CNTNAP2: variants seen among roughly 807,000 people sequenced by gnomAD.
The protein encoded by CNTNAP2 is contactin-associated protein-like 2.
Under a neutral mutation model 155.2 loss-of-function variants are expected in CNTNAP2, and 98 were observed. That is an observed-to-expected ratio of 0.63 (90% CI 0.54 to 0.75). The LOEUF is 0.75. CNTNAP2 is among the 30% of genes least tolerant of loss of function. The probability of loss-of-function intolerance (pLI) is 0.00; values close to 1 mark genes in which losing one functional copy is unlikely to be tolerated. For synonymous variants in CNTNAP2, 651 were observed against 631.2 expected (o/e 1.03, Z -0.47); for missense variants, 1,727 against 1,688.1 (o/e 1.02, Z -0.40).
At chr7:146,855,326 A>G (rs1384755575) in intron 3 of CNTNAP2, among the ~76,000 whole-genome samples, 1 of 152,166 alleles carries the variant, frequency 6.6e-6, no homozygotes, top group Non-Finnish European at 1.5e-5. Context: ...CTATCTCAAT[A>G]CTAGGAATTT....
intron 4 of CNTNAP2, among the ~76,000 whole-genome samples, chr7:147,094,546 C>T (rs190556650): frequency 3.8e-4 from 57 of 151,560 alleles, no homozygotes; most frequent in Non-Finnish European, 1.8e-4. Context: ...GGACTACAGG[C>T]GTCCGCCACC....
chr7:148,268,972 C>G (rs1796725299), intron 21 of CNTNAP2, among the ~76,000 whole-genome samples: 1 of 151,974 alleles, frequency 6.6e-6, no homozygotes, highest in South Asian at 2.1e-4. Flanking sequence ...AAAGATTGGG[C>G]AGGTGATAAA....
intron 13 of CNTNAP2, among the ~76,000 whole-genome samples, chr7:147,823,866 T>C (rs1798402207): frequency 6.6e-6 from 1 of 152,152 alleles, no homozygotes; most frequent in Non-Finnish European, 1.5e-5. Flanking sequence ...ATTTTGGTAT[T>C]AATTTGTAAA....
chr7:146,848,501 T>G (rs1239248760), intron 3 of CNTNAP2, among the ~76,000 whole-genome samples: 1 of 152,172 alleles, frequency 6.6e-6, no homozygotes, highest in Non-Finnish European at 1.5e-5. Flanking sequence ...AAGTATATTG[T>G]ATGACTGTTC....
At position 147,242,797 on chromosome 7, in the gene CNTNAP2, C is replaced by A. The variant is rs181047530; in HGVS notation, c.1349-57344C>A. On this transcript the variant is annotated intron_variant, in intron 8 of 23. Transcript: ENST00000361727. ...ATCCCAAAAGTTTGGTCCACTCTAC[C>A]TTCCTCCTAAGTAAAAAGTTAACAA... Among the ~76,000 whole-genome samples the A allele has an allele frequency of 2.0e-5, 3 of 152,146 alleles. No individual in the cohort carries two copies. In the East Asian group the frequency reaches 5.8e-4, roughly 29 times the overall value.
intron 1 of CNTNAP2, among the ~76,000 whole-genome samples, chr7:146,335,253 G>A (rs1047563241): frequency 3.9e-5 from 6 of 152,124 alleles, no homozygotes; most frequent in Non-Finnish European, 8.8e-5. Context: ...TGTAGTGTTA[G>A]TTATGATGAT....
At chr7:147,290,678 A>G (rs919765145) in intron 8 of CNTNAP2, among the ~76,000 whole-genome samples, 24 of 121,382 alleles carry the variant, frequency 2.0e-4, no homozygotes, top group African/African-American at 4.6e-4. Flanking sequence ...GTGAGACTCC[A>G]TCTCCAAAAA....
At chr7:148,226,357 G>C (rs1344366309) in intron 19 of CNTNAP2, among the ~76,000 whole-genome samples, 1 of 152,022 alleles carries the variant, frequency 6.6e-6, no homozygotes, top group African/African-American at 2.4e-5. Context: ...GGGCAGAAGA[G>C]GGTGCCCCCT....
intron 15 of CNTNAP2, among the ~76,000 whole-genome samples, chr7:148,115,243 TTC>T (rs1362223752): frequency 2.6e-4 from 40 of 152,370 alleles, no homozygotes; most frequent in Non-Finnish European, 4.6e-4. Context: ...CTGCGGATAT[TTC>T]TGTCTGAATA....
intron 1 of CNTNAP2, among the ~76,000 whole-genome samples, chr7:146,347,690 C>A (rs974026418): frequency 5.3e-5 from 8 of 152,070 alleles, no homozygotes; most frequent in Admixed American, 2.6e-4. Flanking sequence ...CTCAGACTCC[C>A]AAATAGTTGG....
chr7:147,213,583 T>C (rs1044978387), intron 8 of CNTNAP2, among the ~76,000 whole-genome samples: 1 of 150,284 alleles, frequency 6.7e-6, no homozygotes, highest in East Asian at 2.0e-4. Context: ...AAAAAAAAAA[T>C]AACATTGTAT....
chr7:148,355,576 A>C (rs954938815), intron 21 of CNTNAP2, among the ~76,000 whole-genome samples: 2 of 152,090 alleles, frequency 1.3e-5, no homozygotes, highest in Non-Finnish European at 2.9e-5. Context: ...CAGTTATTCA[A>C]GGACTCTCTG....
chr7:146,584,894 C>T (rs982254342), intron 1 of CNTNAP2, among the ~76,000 whole-genome samples: 6 of 152,080 alleles, frequency 3.9e-5, no homozygotes, highest in Non-Finnish European at 7.4e-5. Context: ...GAATGATACT[C>T]AAAAATATTA....
chr7:146,740,292 T>G (rs1199206577), intron 1 of CNTNAP2, among the ~76,000 whole-genome samples: 2 of 139,188 alleles, frequency 1.4e-5, no homozygotes, highest in African/African-American at 6.5e-5. Flanking sequence ...GGATTTCTGT[T>G]TTTTTTTTTA....
chr7:147,044,136 T>TTA, intron 4 of CNTNAP2, 82 bp downstream of exon 4: 1 of 1,507,838 alleles, frequency 6.6e-7, no homozygotes, highest in Non-Finnish European at 9.2e-7. Context: ...TTATTTAACA[T>TTA]TACTTGCTTT....
intron 13 of CNTNAP2, among the ~76,000 whole-genome samples, chr7:147,870,120 C>T: frequency 6.6e-6 from 1 of 152,074 alleles, no homozygotes. Context: ...TCAGGTCCTC[C>T]AAGAAGCAGA....
chr7:146,909,161 A>G (rs915605545), intron 3 of CNTNAP2, among the ~76,000 whole-genome samples: 4 of 152,044 alleles, frequency 2.6e-5, no homozygotes, highest in African/African-American at 9.7e-5. Context: ...GCAATAATCA[A>G]TAGTTTACCA....
At chr7:147,109,926 TTTATTTAC>T (rs1165506708) in intron 5 of CNTNAP2, among the ~76,000 whole-genome samples, 1,022 of 99,706 alleles carry the variant, frequency 0.01, 10 homozygotes, top group African/African-American at 0.041. Context: ...TATTTATTTA[TTTATTTAC>T]TTATTTTTGA....
chr7:147,788,617 C>A (rs1420918581), intron 13 of CNTNAP2, among the ~76,000 whole-genome samples: 1 of 152,076 alleles, frequency 6.6e-6, no homozygotes, highest in Non-Finnish European at 1.5e-5. Flanking sequence ...CAAATGACAT[C>A]AAAATTTATC....
Sources: allele counts gnomAD v4.1 joint callset (sites outside exome capture counted in the v4.1 genomes callset), GRCh38; gene constraint gnomAD v4.1.1; transcripts MANE v1.5; gene names NCBI Gene and HGNC (gene_info 2026-07-23, HGNC 2026-07-21).